The following LRRC7 variants were observed in gnomAD, a reference collection of about 807,000 sequenced individuals.
LRRC7 encodes leucine-rich repeat-containing protein 7.
A neutral mutation model predicts 175.7 loss-of-function variants in LRRC7; 23 were observed. The ratio of observed to expected loss-of-function variants is 0.13; its 90% CI spans 0.09 to 0.19. The LOEUF is 0.19. Among genes scored for constraint, LRRC7 ranks in the 10% least tolerant of loss-of-function variants. The pLI is 1.00. For missense variants in LRRC7, 1,354 were observed against 1,904.7 expected (o/e 0.71, Z 5.38); for synonymous variants, 685 against 680.9 (o/e 1.01, Z -0.09).
chr1:69,932,949 G>C (rs1339441861), intron 8 of LRRC7, among the ~76,000 whole-genome samples: 2 of 152,232 alleles, frequency 1.3e-5, no homozygotes, highest in Non-Finnish European at 2.9e-5. Context: ...TGCGGGCTCA[G>C]ATAAAACTCT....
intron 22 of LRRC7, among the ~76,000 whole-genome samples, chr1:70,052,741 T>C (rs1660842204): frequency 6.6e-6 from 1 of 152,150 alleles, no homozygotes; most frequent in Non-Finnish European, 1.5e-5. Context: ...GTTAATTTTA[T>C]TCTGATTATT....
rs1333468158 is a variant in LRRC7 at position 69,717,938 on chromosome 1, A to AG, written c.100+39460_100+39461insG. On this transcript the variant is annotated intron_variant, in intron 2 of 26. Transcript: ENST00000651989. ...AAGAGAGAAAAAAAGAAAAGAAAGA[A>AG]AGAAAGAAAGAAAGAAAGAAGAAAA... 3.7e-5 allele frequency among the ~76,000 whole-genome samples: 3 copies of AG among 81,322 alleles called. 1 individual carries two copies. The highest frequency in any genetic ancestry group is 2.3e-4 in the African/African-American group (3 of 13,162). The allele number at this position is 81,322 out of a possible 152,430, so 53.4% of individuals were successfully genotyped here. A position where few individuals can be genotyped will look rare whatever the true frequency, so the allele number is the denominator to read the frequency against.
At position 69,609,861 on chromosome 1, in the gene LRRC7, C is replaced by T. The variant is rs1007630265; in HGVS notation, c.2+41220C>T. Among the ~76,000 whole-genome samples, 5 of 152,034 alleles carry T rather than the reference C, an allele frequency of 3.3e-5. 1 individual carries two copies. The highest frequency in any genetic ancestry group is 7.2e-5 in the African/African-American group (3 of 41,426). ...ATGCCTAGAAATGAGATGACTCATACAACCGGCATTTTATAAGCTGTATTC... is the reference window on the plus strand; with the variant it reads ...ATGCCTAGAAATGAGATGACTCATATAACCGGCATTTTATAAGCTGTATTC... On this transcript the variant is annotated intron_variant, in intron 1 of 26. Coordinates refer to ENST00000651989, the MANE Select transcript of LRRC7 (RefSeq NM_001370785.2).
chr1:69,989,472 T>C (rs1291694318), intron 10 of LRRC7, among the ~76,000 whole-genome samples: 1 of 152,130 alleles, frequency 6.6e-6, no homozygotes, highest in East Asian at 1.9e-4. Context: ...AATTTTAAAA[T>C]ACAACAGCTA....
intron 2 of LRRC7, among the ~76,000 whole-genome samples, chr1:69,751,164 C>A (rs1298380210): frequency 6.6e-6 from 1 of 152,092 alleles, no homozygotes; most frequent in African/African-American, 2.4e-5. Flanking sequence ...GCTTTTATAG[C>A]AATTATAATA....
At chr1:70,114,147 G>T (rs879633910) in intron 26 of LRRC7, among the ~76,000 whole-genome samples, 24 of 152,038 alleles carry the variant, frequency 1.6e-4, no homozygotes, top group Admixed American at 4.6e-4. Flanking sequence ...TTTAAAAATT[G>T]TACTAAAGCA....
rs1016847156 is a variant in LRRC7 at position 70,141,008 on chromosome 1, A to T, written c.*19121A>T. On this transcript the variant is annotated 3_prime_UTR_variant, in exon 27 of 27. Coordinates refer to ENST00000651989, the MANE Select transcript of LRRC7 (RefSeq NM_001370785.2). ...TAAGTATGTCCTGAATTGAGCCTTA[A>T]ATCAGTGACTAATAAGGCAATGGAA... is the stretch of plus-strand genomic sequence containing the variant. Among the ~76,000 whole-genome samples the T allele has an allele frequency of 1.3e-5, 2 of 152,066 alleles. No individual in the cohort carries two copies. The highest frequency in any genetic ancestry group is 2.4e-5 in the African/African-American group (1 of 41,440).
chr1:69,575,279 C>T (rs189890254), intron 1 of LRRC7, among the ~76,000 whole-genome samples: 78 of 152,262 alleles, frequency 5.1e-4, no homozygotes, highest in African/African-American at 1.8e-3. Context: ...GGGTCTCTTA[C>T]ACCCGAGCAA....
At chr1:70,053,557 A>G (rs1057163568) in intron 23 of LRRC7, among the ~76,000 whole-genome samples, 4 of 152,220 alleles carry the variant, frequency 2.6e-5, no homozygotes, top group African/African-American at 9.6e-5. Context: ...GAACAACTAT[A>G]TGTACATTGC....
At chr1:70,026,023 C>T (rs1175301791) in intron 17 of LRRC7, among the ~76,000 whole-genome samples, 1 of 152,046 alleles carries the variant, frequency 6.6e-6, no homozygotes, top group African/African-American at 2.4e-5. Context: ...ATCACATGTG[C>T]TTGCTTATAA....
chr1:69,717,790 GAAAGAAAGAAAGA>G (rs1557640550), intron 2 of LRRC7, among the ~76,000 whole-genome samples: 13 of 19,836 alleles, frequency 6.6e-4, no homozygotes, highest in South Asian at 2.1e-3. Context: ...AAGAAAGAAA[GAAAGAAAGAAAGA>G]AAGAAAGAAA....
chr1:69,613,774 C>A (rs1163109112), intron 1 of LRRC7, among the ~76,000 whole-genome samples: 1 of 151,970 alleles, frequency 6.6e-6, no homozygotes, highest in East Asian at 1.9e-4. Context: ...ATTTTCATAA[C>A]TGCTGGTGGA....
intron 7 of LRRC7, chr1:69,874,398 A>G (rs936291116): frequency 3.9e-5 from 6 of 152,166 alleles, no homozygotes; most frequent in African/African-American, 1.4e-4. Flanking sequence ...CAAGGTCACC[A>G]TCTTGCTGAT....
chr1:69,681,405 C>T (rs983690402), intron 2 of LRRC7, among the ~76,000 whole-genome samples: 20 of 152,084 alleles, frequency 1.3e-4, no homozygotes, highest in Admixed American at 7.9e-4. Flanking sequence ...ATACTGTATA[C>T]GGGAAGGTTT....
At chr1:69,589,169 T>A (rs150248960) in intron 1 of LRRC7, among the ~76,000 whole-genome samples, 6 of 151,208 alleles carry the variant, frequency 4.0e-5, no homozygotes, top group East Asian at 2.0e-4. Flanking sequence ...TGTGTGTGTG[T>A]GAGAGAGAGA....
At chr1:70,057,929 T>A (rs1661275207) in intron 23 of LRRC7, among the ~76,000 whole-genome samples, 2 of 150,172 alleles carry the variant, frequency 1.3e-5, no homozygotes, top group South Asian at 4.3e-4. Flanking sequence ...CCAAGAGTGT[T>A]AAATGCTGTC....
rs542278478 is a variant in LRRC7 at position 69,591,815 on chromosome 1, C to T, written c.2+23174C>T. Among the ~76,000 whole-genome samples, 9 of 152,080 alleles carry T rather than the reference C, an allele frequency of 5.9e-5. No individual in the cohort carries two copies. In the South Asian group the frequency reaches 1.9e-3, roughly 32 times the overall value. On this transcript the variant is annotated intron_variant, in intron 1 of 26. Coordinates refer to ENST00000651989, the MANE Select transcript of LRRC7 (RefSeq NM_001370785.2). Reference sequence around the variant, plus strand: ...TTCTTATTAATGAGTCATTAGCAAGCTTATCACATCCATCTGCAGATGCTC... The same window carrying T: ...TTCTTATTAATGAGTCATTAGCAAGTTTATCACATCCATCTGCAGATGCTC...
chr1:70,108,903 A>G (rs1192537363), intron 26 of LRRC7, among the ~76,000 whole-genome samples: 1 of 152,254 alleles, frequency 6.6e-6, no homozygotes, highest in Non-Finnish European at 1.5e-5. Context: ...AGAAAGTCCT[A>G]GAAAAGTAGA....
intron 2 of LRRC7, 49 bp downstream of exon 2, chr1:69,678,527 G>A: frequency 7.6e-7 from 1 of 1,321,352 alleles, no homozygotes; most frequent in African/African-American, 1.5e-5. Flanking sequence ...ATTTTGGTGA[G>A]TAGCATAGTA....
Sources: gnomAD v4.1 joint callset for allele counts (sites outside exome capture counted in the v4.1 genomes callset) on GRCh38, gnomAD v4.1.1 for gene constraint, MANE v1.5 for transcripts, NCBI Gene and HGNC (gene_info 2026-07-23, HGNC 2026-07-21) for gene names.